Variants in DGKB observed in about 807,000 individuals in gnomAD.
The protein encoded by DGKB is 90 kDa diacylglycerol kinase.
DGKB carries 67 observed loss-of-function variants against 114.3 expected under a neutral mutation model. The observed-to-expected ratio is 0.59, with a 90% confidence interval of 0.48 to 0.72. The LOEUF (loss-of-function observed/expected upper bound fraction) is 0.72, where lower values mean the gene tolerates loss of function less well. DGKB is among the 30% of genes least tolerant of loss of function. DGKB has a pLI of 0.00. For missense variants in DGKB, 907 were observed against 975.2 expected (o/e 0.93, Z 0.93); for synonymous variants, 398 against 323.1 (o/e 1.23, Z -2.49).
intron 23 of DGKB, among the ~76,000 whole-genome samples, chr7:14,258,735 AAC>A (rs1400320538): frequency 1.3e-5 from 2 of 152,178 alleles, no homozygotes; most frequent in African/African-American, 4.8e-5. Flanking sequence ...TGCAAAAAGG[AAC>A]AGACTTTTCA....
At chr7:14,379,759 C>T (rs1001466399) in intron 21 of DGKB, among the ~76,000 whole-genome samples, 4 of 152,072 alleles carry the variant, frequency 2.6e-5, no homozygotes, top group African/African-American at 9.7e-5. Flanking sequence ...GGGGTTTCAC[C>T]GTGTTAGCGA....
At chr7:14,961,178 A>G (rs1356931517) in intron 1 of DGKB, among the ~76,000 whole-genome samples, 1 of 152,190 alleles carries the variant, frequency 6.6e-6, no homozygotes, top group African/African-American at 2.4e-5. Flanking sequence ...AATTTTTAAC[A>G]TATTTTGAAA....
At chr7:14,934,611 T>C (rs1434726833) in intron 1 of DGKB, among the ~76,000 whole-genome samples, 3 of 152,184 alleles carry the variant, frequency 2.0e-5, no homozygotes, top group Non-Finnish European at 4.4e-5. Flanking sequence ...AAGTGATCTT[T>C]ATACATACAT....
rs533692065 is a variant in DGKB at position 14,925,776 on chromosome 7, G to T, written c.-188+48920C>A. On this transcript the variant is annotated intron_variant, in intron 1 of 4. Coordinates refer to the DGKB transcript ENST00000437998. ...TATAACCTTGCAAAATTCACTTATT[G>T]TTCCAAGGTATTGTTTGGTTTAGTT... Among the ~76,000 whole-genome samples, 257 of 151,972 alleles carry T rather than the reference G, an allele frequency of 1.7e-3. 1 individual carries two copies. Among genetic ancestry groups the T allele is most frequent in the Non-Finnish European group, 2.7e-3 (184 of 67,922 alleles).
At chr7:14,362,001 T>C (rs557873087) in intron 21 of DGKB, among the ~76,000 whole-genome samples, 1 of 152,156 alleles carries the variant, frequency 6.6e-6, no homozygotes, top group Non-Finnish European at 1.5e-5. Flanking sequence ...CTAGATACAG[T>C]ATTGAAATCA....
intron 14 of DGKB, among the ~76,000 whole-genome samples, chr7:14,623,255 G>T (rs932016423): frequency 3.3e-5 from 5 of 152,128 alleles, no homozygotes; most frequent in African/African-American, 1.2e-4. Flanking sequence ...AAGTGCTTTA[G>T]TGCCACACAT....
chr7:14,520,286 T>C (rs1789553880), intron 20 of DGKB, among the ~76,000 whole-genome samples: 1 of 150,462 alleles, frequency 6.6e-6, no homozygotes, highest in African/African-American at 2.4e-5. Flanking sequence ...AACTAGTCTT[T>C]GGTTTCATTC....
intron 1 of DGKB, among the ~76,000 whole-genome samples, chr7:14,875,349 T>C (rs1336789767): frequency 2.6e-5 from 4 of 152,170 alleles, no homozygotes; most frequent in Non-Finnish European, 2.9e-5. Context: ...TGCTTCTACC[T>C]GCTTGTAACT....
chr7:14,146,915 CTG>C lies in DGKB; in HGVS notation c.*2214_*2215del, dbSNP rs1233549325. ...CCACTGTCTATCCAACAGCTTTCTA[CTG>C]TACAGATTGTTAAGAATGATTCACA... On this transcript the variant is annotated 3_prime_UTR_variant, in exon 26 of 26. Transcript: ENST00000402815. 2.0e-5 allele frequency: 3 copies of C among 152,158 alleles called. No individual in the cohort carries two copies. The East Asian group carries it at 5.8e-4, about 29-fold the overall frequency. The allele number at this position is 152,158 out of a possible 1,614,324, so 9.4% of individuals were successfully genotyped here. A position where few individuals can be genotyped will look rare whatever the true frequency, so the allele number is the denominator to read the frequency against.
chr7:14,747,775 G>GCGCGCGCGCACACA lies in DGKB; in HGVS notation c.168+6152_168+6153insTGTGTGCGCGCGCG. Among the ~76,000 whole-genome samples the GCGCGCGCGCACACA allele has an allele frequency of 9.9e-3, 1,479 of 149,272 alleles. 25 individuals carry two copies. The highest frequency in any genetic ancestry group is 0.035 in the African/African-American group (1,371 of 39,690). Reference sequence around the variant, plus strand: ...GCTGTGGGCTCAAACACATCCACGCGCACGCACACACACACACACACACAC... The same window carrying GCGCGCGCGCACACA: ...GCTGTGGGCTCAAACACATCCACGCGCGCGCGCGCACACACACGCACACACACACACACACACAC... On this transcript the variant is annotated intron_variant, in intron 4 of 25. Coordinates refer to ENST00000402815, the MANE Select transcript of DGKB (RefSeq NM_001350709.2).
chr7:14,349,061 A>T (rs903642901), intron 21 of DGKB, among the ~76,000 whole-genome samples: 5 of 152,082 alleles, frequency 3.3e-5, no homozygotes, highest in African/African-American at 1.2e-4. Context: ...GCAGAAACAT[A>T]AAAATGGGCT....
chr7:14,716,164 G>C (rs1374679863), intron 6 of DGKB, among the ~76,000 whole-genome samples: 2 of 152,258 alleles, frequency 1.3e-5, no homozygotes, highest in Middle Eastern at 3.4e-3. Flanking sequence ...TGAATTCCTT[G>C]TGTATATGTG....
intron 1 of DGKB, among the ~76,000 whole-genome samples, chr7:14,871,221 C>T (rs2128196349): frequency 6.6e-6 from 1 of 152,236 alleles, no homozygotes; most frequent in East Asian, 1.9e-4. Context: ...TTAGCATATC[C>T]ATCACCGCAT....
At chr7:14,178,428 A>C (rs1782126586) in intron 23 of DGKB, among the ~76,000 whole-genome samples, 1 of 145,526 alleles carries the variant, frequency 6.9e-6, no homozygotes, top group South Asian at 2.1e-4. Context: ...AAAAAAAAAA[A>C]CCCAGTAGTT....
At chr7:14,707,083 G>GAA (rs1314645961) in intron 6 of DGKB, among the ~76,000 whole-genome samples, 2 of 146,294 alleles carry the variant, frequency 1.4e-5, no homozygotes, top group East Asian at 2.1e-4. Flanking sequence ...GACTAATAAA[G>GAA]AAAAAAAGAG....
intron 18 of DGKB, 150 bp from the exon 19 acceptor site, chr7:14,581,101 T>C (rs1226243127): frequency 6.1e-6 from 3 of 488,466 alleles, no homozygotes; most frequent in African/African-American, 1.9e-5. Flanking sequence ...TACACAATAA[T>C]GAATTATGGA....
intron 2 of DGKB, among the ~76,000 whole-genome samples, chr7:14,821,501 A>G (rs191036308): frequency 6.6e-6 from 1 of 152,282 alleles, no homozygotes; most frequent in Non-Finnish European, 1.5e-5. Context: ...TTCAGCCGAA[A>G]ACTGAAAGGT....
At position 14,841,239 on chromosome 7, in the gene DGKB, G is replaced by A; in HGVS notation, c.25C>T (p.His9Tyr). Residue 9 changes from histidine (H) to tyrosine (Y), a missense_variant, in exon 2 of 26, where the codon CAC (histidine) becomes TAC (tyrosine). This residue lies in a region of DGKB where 814 missense variants were observed against 856.6 expected (regional missense o/e 0.95). Coordinates refer to ENST00000402815, the MANE Select transcript of DGKB (RefSeq NM_001350709.2). MTNQEKWA[H>Y]LSPSEFSQLQ... ...TGGGAAAATTCCGAAGGGCTGAGGTGGGCCCATTTTTCCTGGTTTGTCATG... is the reference window on the plus strand; with the variant it reads ...TGGGAAAATTCCGAAGGGCTGAGGTAGGCCCATTTTTCCTGGTTTGTCATG... 6.2e-7 allele frequency: 1 copy of A among 1,613,506 alleles called. No individual in the cohort carries two copies. Among genetic ancestry groups the A allele is most frequent in the African/African-American group, 1.3e-5 (1 of 75,012 alleles).
intron 17 of DGKB, among the ~76,000 whole-genome samples, chr7:14,606,941 AT>A (rs1804630553): frequency 2.0e-5 from 3 of 152,020 alleles, no homozygotes; most frequent in Admixed American, 2.0e-4. Flanking sequence ...TTTAACTTGA[AT>A]TTAAAAATAA....
Sources: allele counts gnomAD v4.1 joint callset (sites outside exome capture counted in the v4.1 genomes callset), GRCh38; gene constraint gnomAD v4.1.1; regional missense constraint gnomAD v4.1.1; transcripts MANE v1.5; gene names NCBI Gene and HGNC (gene_info 2026-07-23, HGNC 2026-07-21).